The following TENT5D variants were observed in gnomAD, a reference collection of about 807,000 sequenced individuals.
The protein encoded by TENT5D is terminal nucleotidyltransferase 5D.
For missense variants in TENT5D, 191 were observed against 287.0 expected, an observed-to-expected ratio of 0.67 and a Z score of 2.42; for synonymous variants, 103 against 100.6, an observed-to-expected ratio of 1.02 and a Z score of -0.15.
At chrX:80,346,019 T>C (rs1055732917) in intron 3 of TENT5D, among the ~76,000 whole-genome samples, 2 of 112,143 alleles carry the variant, frequency 1.8e-5, no homozygotes, top group Non-Finnish European at 3.8e-5. Context: ...TTAATAACCC[T>C]GTGTATAGAT....
intron 3 of TENT5D, among the ~76,000 whole-genome samples, chrX:80,411,035 A>G (rs1291746226): frequency 1.6e-4 from 15 of 96,714 alleles, no homozygotes; most frequent in African/African-American, 5.4e-4. Context: ...ATAGGTGGGA[A>G]TTGAACAATG....
chrX:80,346,574 T>C (rs1180060597), intron 3 of TENT5D, among the ~76,000 whole-genome samples: 1 of 112,136 alleles, frequency 8.9e-6, no homozygotes, highest in Non-Finnish European at 1.9e-5. Context: ...TTTATTTGCA[T>C]TTATCTAAAG....
intron 3 of TENT5D, among the ~76,000 whole-genome samples, chrX:80,368,367 C>A (rs1215478830): frequency 2.7e-5 from 3 of 111,330 alleles, no homozygotes; most frequent in African/African-American, 9.8e-5. Context: ...ATCATAGGAA[C>A]CTTTTATTGG....
chrX:80,369,093 T>G (rs1930568439), intron 3 of TENT5D, among the ~76,000 whole-genome samples: 1 of 111,861 alleles, frequency 8.9e-6, no homozygotes, highest in East Asian at 2.8e-4. Flanking sequence ...GTATACACAT[T>G]GTGGTTATTT....
intron 3 of TENT5D, among the ~76,000 whole-genome samples, chrX:80,389,075 G>A (rs977834350): frequency 1.6e-4 from 18 of 111,517 alleles, no homozygotes; most frequent in African/African-American, 5.9e-4. Flanking sequence ...TCTCTCAAGC[G>A]CGGAAATTCT....
intron 3 of TENT5D, among the ~76,000 whole-genome samples, chrX:80,396,908 C>A (rs1444062341): frequency 1.2e-5 from 1 of 82,250 alleles, no homozygotes; most frequent in Non-Finnish European, 2.4e-5. Context: ...GGGGGCTGAC[C>A]CCCCCACCTC....
At chrX:80,387,292 A>G (rs1418857145) in intron 3 of TENT5D, among the ~76,000 whole-genome samples, 1 of 111,992 alleles carries the variant, frequency 8.9e-6, no homozygotes, top group Non-Finnish European at 1.9e-5. Flanking sequence ...TGATGCTTGT[A>G]GATATCCCCC....
chrX:80,400,435 G>A (rs1208153570), intron 3 of TENT5D, among the ~76,000 whole-genome samples: 1 of 111,427 alleles, frequency 9.0e-6, no homozygotes, highest in African/African-American at 3.3e-5. Context: ...ATCCAGTCAA[G>A]TTTACACCTA....
chrX:80,422,898 G>A (rs1450953574), intron 1 of TENT5D, among the ~76,000 whole-genome samples: 1 of 111,578 alleles, frequency 9.0e-6, no homozygotes, highest in Non-Finnish European at 1.9e-5. Context: ...TGTGGATAAA[G>A]CTTATGAGGT....
upstream of TENT5D, among the ~76,000 whole-genome samples, chrX:80,418,252 T>A (rs1295452656): frequency 9.1e-6 from 1 of 110,187 alleles, no homozygotes; most frequent in African/African-American, 3.3e-5. Flanking sequence ...TGAGCTCAAG[T>A]GATAATCCTA....
At chrX:80,405,724 G>A (rs1344061040) in intron 3 of TENT5D, among the ~76,000 whole-genome samples, 3 of 111,306 alleles carry the variant, frequency 2.7e-5, no homozygotes, top group Non-Finnish European at 5.7e-5. Context: ...CAAAGCAGCA[G>A]GGAAGCTCGA....
chrX:80,358,647 GTCAGGACTTACCT>G (rs771163959), intron 3 of TENT5D, among the ~76,000 whole-genome samples: 2 of 111,900 alleles, frequency 1.8e-5, no homozygotes, highest in South Asian at 7.4e-4. Context: ...TGTCATAATA[GTCAGGACTTACCT>G]TTGTTGAATC....
At chrX:80,349,358 G>A (rs980253119) in intron 3 of TENT5D, among the ~76,000 whole-genome samples, 11 of 111,622 alleles carry the variant, frequency 9.9e-5, no homozygotes, top group Non-Finnish European at 2.1e-4. Context: ...TCTATTCAGG[G>A]ATTCGACTTC....
At chrX:80,389,691 G>A (rs1174983286) in intron 3 of TENT5D, among the ~76,000 whole-genome samples, 2 of 112,256 alleles carry the variant, frequency 1.8e-5, no homozygotes, top group African/African-American at 6.5e-5. Flanking sequence ...GGCAAATGCT[G>A]CTAATACGTC....
intron 3 of TENT5D, among the ~76,000 whole-genome samples, chrX:80,360,303 ATAAC>A (rs1349808928): frequency 2.7e-5 from 3 of 112,320 alleles, no homozygotes; most frequent in Non-Finnish European, 5.6e-5. Context: ...GAAATTTTAA[ATAAC>A]TAACTTTTTT....
chrX:80,370,824 A>G (rs764604154), intron 3 of TENT5D, among the ~76,000 whole-genome samples: 6 of 112,013 alleles, frequency 5.4e-5, no homozygotes, highest in Non-Finnish European at 1.1e-4. Flanking sequence ...TTGAGGGTCT[A>G]ATGAAGGAGA....
chrX:80,358,664 T>C (rs987301612), intron 3 of TENT5D, among the ~76,000 whole-genome samples: 1 of 112,401 alleles, frequency 8.9e-6, no homozygotes, highest in Non-Finnish European at 1.9e-5. Flanking sequence ...CTTACCTTTG[T>C]TGAATCTAAC....
At chrX:80,377,363 CT>C (rs1930751532) in intron 3 of TENT5D, among the ~76,000 whole-genome samples, 1 of 111,070 alleles carries the variant, frequency 9.0e-6, no homozygotes, top group Admixed American at 9.6e-5. Context: ...TTAGGTATTT[CT>C]CCTAATACTA....
intron 3 of TENT5D, among the ~76,000 whole-genome samples, chrX:80,356,989 C>T (rs1172019843): frequency 1.8e-5 from 2 of 111,200 alleles, no homozygotes; most frequent in Non-Finnish European, 3.8e-5. Flanking sequence ...TCAATTCCCA[C>T]CTTGGAGTGA....
Sources: allele counts gnomAD v4.1 joint callset (sites outside exome capture counted in the v4.1 genomes callset), GRCh38; gene constraint gnomAD v4.1.1; transcripts MANE v1.5; gene names NCBI Gene and HGNC (gene_info 2026-07-23, HGNC 2026-07-21).